ANKRD31: variants seen among roughly 807,000 people sequenced by gnomAD.
The protein encoded by ANKRD31 is ankyrin repeat domain-containing protein 31.
ANKRD31 carries 147 observed loss-of-function variants against 186.0 expected under a neutral mutation model. The ratio of observed to expected loss-of-function variants is 0.79; its 90% CI spans 0.69 to 0.91. ANKRD31 has a LOEUF of 0.91. Ranked by LOEUF, ANKRD31 falls within the 40% of genes least tolerant of loss-of-function variation. ANKRD31 has a pLI of 0.00. For synonymous variants in ANKRD31, 673 were observed against 736.4 expected, an observed-to-expected ratio of 0.91 and a Z score of 1.39; for missense variants, 1,986 against 2,148.8, an observed-to-expected ratio of 0.92 and a Z score of 1.50.
chr5:75,094,727 A>T (rs554509683), intron 22 of ANKRD31, among the ~76,000 whole-genome samples: 17 of 152,316 alleles, frequency 1.1e-4, no homozygotes, highest in Non-Finnish European at 2.5e-4. Flanking sequence ...AACCTAGTCA[A>T]AAGGCAGAGA....
intron 17 of ANKRD31, among the ~76,000 whole-genome samples, chr5:75,128,747 C>T (rs1032982591): frequency 6.6e-5 from 10 of 151,494 alleles, no homozygotes; most frequent in African/African-American, 1.5e-4. Context: ...ATCTCCTGAC[C>T]TCATGATCTG....
chr5:75,104,463 A>G lies in ANKRD31; in HGVS notation c.5096T>C (p.Val1699Ala), dbSNP rs371514104. ...CTGATGCACTGTATCACTGCCTAAG[A>G]CAGCAATCCCTTGATGTGCCAGAGA... ...SESLAHQGIA[V>A]LGSDTVHQMK... is the part of the protein sequence containing the mutation. The change falls in exon 22 of 26, where the codon GTC (valine) becomes GCC (alanine). Residue 1699 changes from valine to alanine, a missense_variant. Transcript: ENST00000506364. The G allele has an allele frequency of 6.6e-5, 101 of 1,537,124 alleles. No individual in the cohort carries two copies. The highest frequency in any genetic ancestry group is 8.5e-5 in the Non-Finnish European group (98 of 1,146,914).
intron 12 of ANKRD31, among the ~76,000 whole-genome samples, chr5:75,149,895 G>A (rs996526127): frequency 6.6e-6 from 1 of 151,792 alleles, no homozygotes; most frequent in Non-Finnish European, 1.5e-5. Context: ...CCCTGCAAGG[G>A]ACATGGTTCC....
chr5:75,089,380 C>T (rs1745757212), intron 23 of ANKRD31, among the ~76,000 whole-genome samples: 1 of 152,166 alleles, frequency 6.6e-6, no homozygotes, highest in Non-Finnish European at 1.5e-5. Context: ...AGGGCAATAC[C>T]TTGTTTTCTG....
intron 17 of ANKRD31, among the ~76,000 whole-genome samples, chr5:75,124,160 G>A (rs1013169214): frequency 3.3e-5 from 5 of 151,894 alleles, no homozygotes; most frequent in South Asian, 2.1e-4. Context: ...GAAGACCCAC[G>A]AATGACCAAC....
At chr5:75,118,090 G>A (rs994558193) in intron 18 of ANKRD31, 45 bp downstream of exon 18, 2 of 1,277,560 alleles carry the variant, frequency 1.6e-6, no homozygotes, top group Non-Finnish European at 2.0e-6. Flanking sequence ...TTCCTAAGCA[G>A]AGATATATCT....
At chr5:75,123,623 G>A (rs1035742041) in intron 17 of ANKRD31, among the ~76,000 whole-genome samples, 5 of 151,982 alleles carry the variant, frequency 3.3e-5, no homozygotes, top group African/African-American at 1.2e-4. Flanking sequence ...TAAAAGAATA[G>A]AGAACCCAAA....
At chr5:75,151,779 A>G (rs1027017476) in intron 12 of ANKRD31, among the ~76,000 whole-genome samples, 1 of 151,962 alleles carries the variant, frequency 6.6e-6, no homozygotes, top group Non-Finnish European at 1.5e-5. Context: ...ACCAAGATAG[A>G]TATGTAATAT....
intron 17 of ANKRD31, among the ~76,000 whole-genome samples, chr5:75,119,712 C>G (rs1416927532): frequency 6.6e-6 from 1 of 152,208 alleles, no homozygotes; most frequent in Non-Finnish European, 1.5e-5. Flanking sequence ...TTCCTACCAA[C>G]AGTGTACAAG....
chr5:75,127,549 T>A (rs1434962193), intron 17 of ANKRD31, among the ~76,000 whole-genome samples: 3 of 152,234 alleles, frequency 2.0e-5, no homozygotes. Flanking sequence ...GGAATACATA[T>A]CTACACACTA....
intron 17 of ANKRD31, among the ~76,000 whole-genome samples, chr5:75,122,126 A>G (rs1434485448): frequency 1.3e-5 from 2 of 152,094 alleles, no homozygotes; most frequent in African/African-American, 4.8e-5. Context: ...TGAAGAAGAC[A>G]TTGTAACTGA....
intron 10 of ANKRD31, among the ~76,000 whole-genome samples, chr5:75,173,622 C>T (rs1479976144): frequency 6.6e-6 from 1 of 152,204 alleles, no homozygotes. Flanking sequence ...CGAGTGAACT[C>T]CCATTCACAA....
rs1428319548 is a variant in ANKRD31, at chr5:75,148,571, T to C, written c.1905+5A>G. 6.6e-7 allele frequency: 1 copy of C among 1,509,032 alleles called. No individual in the cohort carries two copies. Among genetic ancestry groups the C allele is most frequent in the African/African-American group, 1.4e-5 (1 of 72,044 alleles). The allele number at this position is 1,509,032 out of a possible 1,614,324, so 93.5% of individuals were successfully genotyped here. A position where few individuals can be genotyped will look rare whatever the true frequency, so the allele number is the denominator to read the frequency against. Reference sequence around the variant, plus strand: ...AAAAATGTTTATTACTAAACATAGATATACCTTGTGTTGGTACACATCCTC... The same window carrying C: ...AAAAATGTTTATTACTAAACATAGACATACCTTGTGTTGGTACACATCCTC... On this transcript the variant is annotated splice_donor_5th_base_variant and intron_variant, in intron 13 of 25. Coordinates refer to ENST00000506364, the MANE Select transcript of ANKRD31 (RefSeq NM_001372053.1).
chr5:75,131,141 G>A (rs1749771850), intron 17 of ANKRD31, among the ~76,000 whole-genome samples: 1 of 152,038 alleles, frequency 6.6e-6, no homozygotes, highest in African/African-American at 2.4e-5. Context: ...CGCAGCCCCA[G>A]CTCCGACCTG....
At chr5:75,124,553 C>T (rs939225693) in intron 17 of ANKRD31, among the ~76,000 whole-genome samples, 9 of 151,964 alleles carry the variant, frequency 5.9e-5, no homozygotes, top group African/African-American at 1.7e-4. Flanking sequence ...AGTGGATGAC[C>T]GGATAAATAA....
chr5:75,174,028 G>A (rs2112871), intron 10 of ANKRD31, among the ~76,000 whole-genome samples: 69,298 of 151,942 alleles, frequency 0.46, 17,451 homozygotes, highest in African/African-American at 0.68. Flanking sequence ...TACCAAAACA[G>A]ATATATAGAC....
chr5:75,139,015 C>G, intron 15 of ANKRD31, 32 bp from the exon 16 acceptor site: 1 of 1,532,740 alleles, frequency 6.5e-7, no homozygotes, highest in Non-Finnish European at 8.7e-7. Context: ...GGTTTATTTT[C>G]TGCCAAATGC....
At chr5:75,120,085 T>A (rs1357788733) in intron 17 of ANKRD31, among the ~76,000 whole-genome samples, 1 of 146,384 alleles carries the variant, frequency 6.8e-6, no homozygotes, top group East Asian at 2.1e-4. Flanking sequence ...ATGTAAAGAA[T>A]CGTTACTAAC....
intron 14 of ANKRD31, 41 bp from the exon 15 acceptor site, chr5:75,144,212 T>C: frequency 2.5e-6 from 1 of 395,930 alleles, no homozygotes; most frequent in Non-Finnish European, 4.5e-6. Flanking sequence ...GTTGTTCTCC[T>C]ACCTGGTTAT....
Sources: allele counts gnomAD v4.1 joint callset (sites outside exome capture counted in the v4.1 genomes callset), GRCh38; gene constraint gnomAD v4.1.1; transcripts MANE v1.5; gene names NCBI Gene and HGNC (gene_info 2026-07-23, HGNC 2026-07-21).